The following PLA2G5 variants were observed in gnomAD, a reference collection of about 807,000 sequenced individuals.
PLA2G5 encodes phospholipase A2 group V.
In PLA2G5, 12 loss-of-function variants were observed where a neutral mutation model predicts 15.9. The ratio of observed to expected loss-of-function variants is 0.76; its 90% CI spans 0.48 to 1.23. The LOEUF is 1.23. PLA2G5 is among the 50% of genes most tolerant of loss of function. PLA2G5 has a pLI of 0.00. For missense variants in PLA2G5, 169 were observed against 177.1 expected, an observed-to-expected ratio of 0.95 and a Z score of 0.26; for synonymous variants, 71 against 71.4, an observed-to-expected ratio of 0.99 and a Z score of 0.03.
At chr1:20,072,992 G>A (rs2015465064) in intron 1 of PLA2G5, among the ~76,000 whole-genome samples, 1 of 152,192 alleles carries the variant, frequency 6.6e-6, no homozygotes. Context: ...AAGATTTGCT[G>A]GGTTGGATTG....
At chr1:20,090,351 C>T (rs761805620) in intron 4 of PLA2G5, among the ~76,000 whole-genome samples, 2 of 152,204 alleles carry the variant, frequency 1.3e-5, no homozygotes, top group Non-Finnish European at 2.9e-5. Flanking sequence ...CTCTATCAGA[C>T]TGGGAACTCC....
intron 1 of PLA2G5, among the ~76,000 whole-genome samples, chr1:20,057,075 TA>T: frequency 6.6e-6 from 1 of 152,280 alleles, no homozygotes; most frequent in South Asian, 2.1e-4. Context: ...CATTTATTTA[TA>T]ATACTAGTTT....
At chr1:20,077,588 T>A (rs2015758985) in intron 1 of PLA2G5, among the ~76,000 whole-genome samples, 1 of 152,208 alleles carries the variant, frequency 6.6e-6, no homozygotes, top group Non-Finnish European at 1.5e-5. Flanking sequence ...ATATTTATGG[T>A]AGTTATGACT....
chr1:20,029,617 C>T (rs1226538558), intron 1 of PLA2G5, among the ~76,000 whole-genome samples: 1 of 152,122 alleles, frequency 6.6e-6, no homozygotes, highest in East Asian at 1.9e-4. Context: ...TGGAGCCCTA[C>T]CGGGGACCAT....
rs927367556 is a variant in PLA2G5, at chr1:20,052,066, A to G, written n.277-7566A>G. 3.3e-5 allele frequency among the ~76,000 whole-genome samples: 5 copies of G among 152,168 alleles called. 1 individual carries two copies. On this transcript the variant is annotated intron_variant and non_coding_transcript_variant, in intron 1 of 6. Coordinates refer to the PLA2G5 transcript ENST00000460175. ...CTGTGTACAAATAATCAGTCCAAGT[A>G]TAATAAAGCAAATCAGTCCTACCAT...
chr1:20,056,221 C>T (rs553716557), intron 1 of PLA2G5, among the ~76,000 whole-genome samples: 7 of 152,100 alleles, frequency 4.6e-5, no homozygotes, highest in Non-Finnish European at 8.8e-5. Context: ...AGCATCCTGC[C>T]CCACTGCGGT....
chr1:20,047,135 T>C (rs2100380353), intron 1 of PLA2G5, among the ~76,000 whole-genome samples: 1 of 152,248 alleles, frequency 6.6e-6, no homozygotes, highest in East Asian at 1.9e-4. Context: ...CAACAATTAA[T>C]TTGAAAGAAT....
At chr1:20,041,885 T>A (rs899536858) in intron 1 of PLA2G5, among the ~76,000 whole-genome samples, 1 of 152,220 alleles carries the variant, frequency 6.6e-6, no homozygotes, top group East Asian at 1.9e-4. Flanking sequence ...TTTAGCTACC[T>A]TATCAGCATA....
At chr1:20,029,953 C>T (rs2012825806) in intron 1 of PLA2G5, among the ~76,000 whole-genome samples, 1 of 152,144 alleles carries the variant, frequency 6.6e-6, no homozygotes, top group Admixed American at 6.5e-5. Flanking sequence ...TGGTGGCAAG[C>T]CATGAGAAGG....
At chr1:20,035,796 G>GT (rs957449231) in intron 1 of PLA2G5, among the ~76,000 whole-genome samples, 38 of 152,066 alleles carry the variant, frequency 2.5e-4, no homozygotes, top group East Asian at 7.7e-4. Flanking sequence ...TTTTTATTTT[G>GT]TTTTTTTATT....
At chr1:20,052,279 GCTACAAGT>G in intron 1 of PLA2G5, among the ~76,000 whole-genome samples, 1 of 151,434 alleles carries the variant, frequency 6.6e-6, no homozygotes, top group South Asian at 2.1e-4. Flanking sequence ...ATTTTTCTTG[GCTACAAGT>G]CTTTCAAATA....
intron 1 of PLA2G5, among the ~76,000 whole-genome samples, chr1:20,036,315 T>C (rs2013246359): frequency 6.6e-6 from 1 of 152,196 alleles, no homozygotes; most frequent in African/African-American, 2.4e-5. Flanking sequence ...TTTTCCTCAA[T>C]TGTTTCCTCA....
In PLA2G5 at chr1:20,042,581, TA is replaced by T. The variant is rs375505397; in HGVS notation, n.276+13874del. On this transcript the variant is annotated intron_variant and non_coding_transcript_variant, in intron 1 of 6. Transcript: ENST00000460175. ...TGGGAGCAGATTTTAGGGCTGTTTT[TA>T]AGGAATGGAAAGAAGAATGGTGAAA... 4.3e-4 allele frequency among the ~76,000 whole-genome samples: 66 copies of T among 152,160 alleles called. No individual in the cohort carries two copies. The East Asian group carries it at 9.8e-3, about 23-fold the overall frequency.
intron 1 of PLA2G5, among the ~76,000 whole-genome samples, chr1:20,052,785 T>C (rs1310200821): frequency 1.3e-5 from 2 of 152,202 alleles, no homozygotes; most frequent in Non-Finnish European, 2.9e-5. Flanking sequence ...AAGTCAAGCT[T>C]GGAACTGCTC....
chr1:20,080,018 G>A (rs1283904919), intron 1 of PLA2G5, among the ~76,000 whole-genome samples: 1 of 152,198 alleles, frequency 6.6e-6, no homozygotes, highest in African/African-American at 2.4e-5. Context: ...GGAACAAGAG[G>A]AAGAGGACGG....
At chr1:20,051,339 G>A (rs184753199) in intron 1 of PLA2G5, among the ~76,000 whole-genome samples, 118 of 152,306 alleles carry the variant, frequency 7.7e-4, no homozygotes, top group East Asian at 5.8e-3. Context: ...ATGACTCATG[G>A]AGAACTGAAA....
chr1:20,085,955 GAAT>G, intron 2 of PLA2G5, 125 bp from the exon 3 acceptor site: 2 of 846,464 alleles, frequency 2.4e-6, no homozygotes, highest in Non-Finnish European at 1.8e-6. Context: ...CTAATGGAGA[GAAT>G]AAAAAAGAGA....
intron 2 of PLA2G5, among the ~76,000 whole-genome samples, chr1:20,062,997 G>C (rs1178651020): frequency 6.6e-6 from 1 of 152,120 alleles, no homozygotes; most frequent in Non-Finnish European, 1.5e-5. Context: ...CATGGACGTG[G>C]GGAAGCACCT....
upstream of PLA2G5, among the ~76,000 whole-genome samples, chr1:20,069,395 G>T (rs2100521383): frequency 6.6e-6 from 1 of 152,288 alleles, no homozygotes; most frequent in South Asian, 2.1e-4. Context: ...GATTAAGTCT[G>T]GCCGTGGTGG....
Sources: gnomAD v4.1 joint callset for allele counts (sites outside exome capture counted in the v4.1 genomes callset) on GRCh38, gnomAD v4.1.1 for gene constraint, MANE v1.5 for transcripts, NCBI Gene and HGNC (gene_info 2026-07-23, HGNC 2026-07-21) for gene names.